CEP83: variants seen among roughly 807,000 people sequenced by gnomAD.
CEP83 encodes the protein centrosomal protein of 83 kDa.
CEP83 carries 70 observed loss-of-function variants against 101.9 expected under a neutral mutation model. The ratio of observed to expected loss-of-function variants is 0.69; its 90% CI spans 0.57 to 0.84. The LOEUF is 0.84. Ranked by LOEUF, CEP83 falls within the 40% of genes least tolerant of loss-of-function variation. The pLI, the probability that CEP83 is intolerant of heterozygous loss-of-function variation, is 0.00. For missense variants in CEP83, 715 were observed against 787.2 expected (o/e 0.91, Z 1.10); for synonymous variants, 264 against 267.9 (o/e 0.99, Z 0.14).
downstream of CEP83, chr12:94,304,088 T>A: frequency 7.9e-7 from 1 of 1,263,576 alleles, no homozygotes; most frequent in Non-Finnish European, 1.1e-6. Context: ...AACCTTTGAA[T>A]CAGGCACAAG....
At chr12:94,279,967 A>T in the CEP83 span, 2 of 455,514 alleles carry the variant, frequency 4.4e-6, no homozygotes, top group Non-Finnish European at 8.2e-6. Context: ...CATGAAATAC[A>T]GAAAGGTGTC....
the CEP83 span, among the ~76,000 whole-genome samples, chr12:94,276,420 C>A: frequency 7.3e-6 from 1 of 136,642 alleles, no homozygotes; most frequent in Non-Finnish European, 1.5e-5. Flanking sequence ...ACAGCCTGAG[C>A]TAAGCCAGGG....
At chr12:94,414,586 G>A (rs1048061145) in intron 2 of CEP83, among the ~76,000 whole-genome samples, 1 of 152,150 alleles carries the variant, frequency 6.6e-6, no homozygotes, top group Non-Finnish European at 1.5e-5. Flanking sequence ...AAACTTAACA[G>A]ACTACAGTAT....
chr12:94,303,926 A>C (rs750551118), downstream of CEP83: 3 of 1,607,714 alleles, frequency 1.9e-6, no homozygotes, highest in South Asian at 3.3e-5. Flanking sequence ...ATAAGCTTAT[A>C]TTTGGTTACT....
the CEP83 span, chr12:94,277,022 A>G: frequency 6.6e-6 from 1 of 151,904 alleles, no homozygotes; most frequent in Non-Finnish European, 1.5e-5. Context: ...CAACAGGATT[A>G]TAAGGGCAAG....
chr12:94,435,924 G>A (rs1206984147), intron 1 of CEP83, among the ~76,000 whole-genome samples: 2 of 152,048 alleles, frequency 1.3e-5, no homozygotes, highest in East Asian at 1.9e-4. Context: ...GCAGACATTC[G>A]CCAGCACCAG....
intron 4 of CEP83, among the ~76,000 whole-genome samples, chr12:94,409,154 T>TA (rs901073892): frequency 1.2e-4 from 18 of 152,034 alleles, no homozygotes; most frequent in Non-Finnish European, 5.9e-5. Flanking sequence ...TTTCTAAACT[T>TA]ACAATTTGCG....
the CEP83 span, among the ~76,000 whole-genome samples, chr12:94,266,230 G>A: frequency 3.3e-5 from 5 of 152,192 alleles, no homozygotes; most frequent in Admixed American, 3.3e-4. Flanking sequence ...ATGTCCTCTG[G>A]TGGGAGAATA....
chr12:94,426,992 G>A (rs181810626), intron 2 of CEP83, among the ~76,000 whole-genome samples: 1 of 152,256 alleles, frequency 6.6e-6, no homozygotes, highest in African/African-American at 2.4e-5. Flanking sequence ...TTTTTTTGTT[G>A]TTTTGAGACA....
chr12:94,333,093 C>T (rs1251992037), intron 13 of CEP83, among the ~76,000 whole-genome samples: 1 of 138,124 alleles, frequency 7.2e-6, no homozygotes, highest in Admixed American at 7.2e-5. Context: ...CAAAGAAAAT[C>T]CAAGATAGTT....
At chr12:94,343,446 C>G (rs1035487910) in intron 11 of CEP83, among the ~76,000 whole-genome samples, 2 of 134,272 alleles carry the variant, frequency 1.5e-5, no homozygotes, top group African/African-American at 5.6e-5. Flanking sequence ...ATTGTGATCA[C>G]AATGCAATAA....
chr12:94,367,608 T>C (rs1373861131), intron 11 of CEP83, among the ~76,000 whole-genome samples, 186 bp downstream of exon 11: 3 of 152,182 alleles, frequency 2.0e-5, no homozygotes, highest in Admixed American at 6.5e-5. Flanking sequence ...TAGTAATGCC[T>C]GATTTCCTGA....
At chr12:94,337,779 A>G (rs2136569565) in intron 11 of CEP83, among the ~76,000 whole-genome samples, 1 of 152,278 alleles carries the variant, frequency 6.6e-6, no homozygotes, top group South Asian at 2.1e-4. Flanking sequence ...GGTGACGAAG[A>G]GTATAGAGGA....
At chr12:94,443,376 C>T (rs1275678610) in intron 1 of CEP83, among the ~76,000 whole-genome samples, 1 of 152,012 alleles carries the variant, frequency 6.6e-6, no homozygotes, top group African/African-American at 2.4e-5. Context: ...TCTGCAAAAT[C>T]ACAAAACTAT....
chr12:94,385,363 C>A (rs538034685), intron 6 of CEP83, among the ~76,000 whole-genome samples: 1 of 152,126 alleles, frequency 6.6e-6, no homozygotes, highest in South Asian at 2.1e-4. Flanking sequence ...CTGACATGAC[C>A]CAGGATGTCA....
At chr12:94,382,571 T>C (rs927463704) in intron 6 of CEP83, among the ~76,000 whole-genome samples, 2 of 152,082 alleles carry the variant, frequency 1.3e-5, no homozygotes, top group Middle Eastern at 3.4e-3. Context: ...TGTAATCTCA[T>C]TGAAATGTTT....
intron 15 of CEP83, among the ~76,000 whole-genome samples, chr12:94,311,482 T>TTG (rs963829327): frequency 6.6e-6 from 1 of 152,156 alleles, no homozygotes; most frequent in Non-Finnish European, 1.5e-5. Context: ...GGGGGCAGTC[T>TTG]TGTGGGACTG....
In CEP83 at chr12:94,440,561, T is replaced by C. The variant is rs531505316; in HGVS notation, c.-154-5234A>G. Among the ~76,000 whole-genome samples, 272 of 150,022 alleles carry C rather than the reference T, an allele frequency of 1.8e-3. 1 individual carries two copies. Among genetic ancestry groups the C allele is most frequent in the African/African-American group, 6.4e-3 (263 of 40,892 alleles). On this transcript the variant is annotated intron_variant, in intron 1 of 16. Coordinates refer to ENST00000397809, the MANE Select transcript of CEP83 (RefSeq NM_016122.3). ...ATCACAGATGACACAAATGGAAATA[T>C]ATCCCATGCGCATGGATGGGTAGAA...
the CEP83 span, chr12:94,279,871 TTTG>T: frequency 5.9e-6 from 4 of 683,512 alleles, no homozygotes; most frequent in African/African-American, 3.5e-5. Flanking sequence ...AAAGATGGCG[TTTG>T]TTGTTGTTGT....
Sources: gnomAD v4.1 joint callset for allele counts (sites outside exome capture counted in the v4.1 genomes callset) on GRCh38, gnomAD v4.1.1 for gene constraint, MANE v1.5 for transcripts, NCBI Gene and HGNC (gene_info 2026-07-23, HGNC 2026-07-21) for gene names.